The following GRID1 variants were observed in gnomAD, a reference collection of about 807,000 sequenced individuals.
GRID1 encodes the protein glutamate receptor ionotropic, delta-1.
GRID1 carries 28 observed loss-of-function variants against 98.0 expected under a neutral mutation model. The observed-to-expected ratio is 0.29, with a 90% CI of 0.21 to 0.39. GRID1 has a LOEUF of 0.39. Ranked by LOEUF, GRID1 falls within the 10% of genes least tolerant of loss-of-function variation. GRID1 has a pLI of 1.00. For missense variants in GRID1, 1,111 were observed against 1,340.5 expected (o/e 0.83, Z 2.67); for synonymous variants, 553 against 538.5 (o/e 1.03, Z -0.37).
chr10:85,838,862 A>C (rs996977261), intron 8 of GRID1, among the ~76,000 whole-genome samples: 2 of 152,166 alleles, frequency 1.3e-5, no homozygotes, highest in Admixed American at 1.3e-4. Context: ...AGCTGGATAA[A>C]GAACCAAGAT....
intron 12 of GRID1, among the ~76,000 whole-genome samples, chr10:85,651,478 C>A (rs941317386): frequency 1.1e-4 from 17 of 152,234 alleles, no homozygotes; most frequent in Non-Finnish European, 1.6e-4. Flanking sequence ...TGCCAAGGTA[C>A]ATGCAAATGC....
At chr10:85,867,457 C>T (rs1682218260) in intron 6 of GRID1, among the ~76,000 whole-genome samples, 1 of 151,694 alleles carries the variant, frequency 6.6e-6, no homozygotes, top group Non-Finnish European at 1.5e-5. Flanking sequence ...AAGGGATTCC[C>T]CTCTCCCGCT....
At chr10:86,098,407 A>T (rs1844250822) in intron 4 of GRID1, among the ~76,000 whole-genome samples, 1 of 152,168 alleles carries the variant, frequency 6.6e-6, no homozygotes, top group African/African-American at 2.4e-5. Context: ...TCCCTGCAGG[A>T]TCCTCTATAA....
At chr10:86,075,899 A>G (rs531347973) in intron 4 of GRID1, among the ~76,000 whole-genome samples, 17 of 152,370 alleles carry the variant, frequency 1.1e-4, no homozygotes, top group Admixed American at 1.1e-3. Flanking sequence ...CCTCCCCAGC[A>G]CACGAATGGC....
At chr10:85,831,420 C>A (rs543250666) in intron 8 of GRID1, among the ~76,000 whole-genome samples, 1 of 151,750 alleles carries the variant, frequency 6.6e-6, no homozygotes, top group Non-Finnish European at 1.5e-5. Flanking sequence ...TGCATATATA[C>A]CCCTGAAGCT....
intron 6 of GRID1, among the ~76,000 whole-genome samples, chr10:85,858,905 C>T (rs951684263): frequency 6.6e-6 from 1 of 152,190 alleles, no homozygotes; most frequent in Non-Finnish European, 1.5e-5. Context: ...AATTAAGGTA[C>T]TCAACAAATG....
intron 8 of GRID1, among the ~76,000 whole-genome samples, chr10:85,813,261 T>TATA (rs1016982349): frequency 3.3e-5 from 5 of 151,320 alleles, no homozygotes; most frequent in African/African-American, 9.7e-5. Context: ...CTCCAAAAAG[T>TATA]ATAAGCACAA....
At chr10:86,135,591 G>A (rs539537984) in intron 4 of GRID1, among the ~76,000 whole-genome samples, 1 of 152,116 alleles carries the variant, frequency 6.6e-6, no homozygotes, top group Non-Finnish European at 1.5e-5. Context: ...AGCGAGGGAT[G>A]TGAGGGGTCT....
intron 2 of GRID1, among the ~76,000 whole-genome samples, chr10:86,268,142 C>A (rs1014775854): frequency 2.0e-5 from 3 of 152,178 alleles, no homozygotes; most frequent in Non-Finnish European, 4.4e-5. Context: ...AAGACACACA[C>A]GGGGCATCTG....
intron 13 of GRID1, among the ~76,000 whole-genome samples, chr10:85,621,912 T>C (rs983240261): frequency 1.1e-4 from 16 of 152,188 alleles, no homozygotes; most frequent in Non-Finnish European, 1.8e-4. Context: ...CTTTGGAGCA[T>C]TTCACATCCA....
At chr10:85,618,860 T>G (rs954052348) in intron 14 of GRID1, among the ~76,000 whole-genome samples, 1 of 152,188 alleles carries the variant, frequency 6.6e-6, no homozygotes, top group African/African-American at 2.4e-5. Context: ...AACCCAGATA[T>G]CCTAGTTGCC....
chr10:85,837,256 C>G, intron 8 of GRID1, among the ~76,000 whole-genome samples: 1 of 152,296 alleles, frequency 6.6e-6, no homozygotes, highest in Middle Eastern at 3.4e-3. Flanking sequence ...GCACCCAGAC[C>G]TATGCCAGCC....
intron 7 of GRID1, among the ~76,000 whole-genome samples, chr10:85,855,064 G>A (rs1324348929): frequency 1.3e-5 from 2 of 152,232 alleles, no homozygotes; most frequent in Non-Finnish European, 2.9e-5. Context: ...CAGCAAACAT[G>A]TGCATTGGAG....
intron 4 of GRID1, among the ~76,000 whole-genome samples, chr10:86,024,849 CT>C (rs1048350671): frequency 8.5e-5 from 13 of 152,302 alleles, no homozygotes; most frequent in African/African-American, 3.1e-4. Context: ...ATCCCCACCC[CT>C]ATCTGCCAAG....
chr10:85,742,411 G>A (rs545297800), intron 8 of GRID1, among the ~76,000 whole-genome samples: 15 of 152,280 alleles, frequency 9.9e-5, no homozygotes, highest in South Asian at 4.1e-4. Flanking sequence ...GCCATAGTTC[G>A]TTAATTCCTG....
chr10:85,768,578 T>A (rs998906090), intron 8 of GRID1, among the ~76,000 whole-genome samples: 27 of 152,280 alleles, frequency 1.8e-4, no homozygotes, highest in African/African-American at 6.0e-4. Flanking sequence ...TCTGGAAAAA[T>A]TATAAGACTA....
At chr10:86,260,926 A>G (rs977203785) in intron 2 of GRID1, among the ~76,000 whole-genome samples, 5 of 152,234 alleles carry the variant, frequency 3.3e-5, no homozygotes, top group African/African-American at 1.2e-4. Flanking sequence ...AGCTAAACAA[A>G]GACCCAGCAG....
intron 12 of GRID1, chr10:85,709,143 C>T: frequency 3.0e-6 from 1 of 334,630 alleles, no homozygotes; most frequent in East Asian, 8.6e-5. Flanking sequence ...TCAGGTGCTG[C>T]AGAGCATTCT....
chr10:86,066,925 G>A lies in GRID1; in HGVS notation c.726+71894C>T, dbSNP rs114051447. 1.7e-3 allele frequency among the ~76,000 whole-genome samples: 266 copies of A among 152,240 alleles called. 1 individual carries two copies. The highest frequency in any genetic ancestry group is 6.0e-3 in the African/African-American group (250 of 41,542). On this transcript the variant is annotated intron_variant, in intron 4 of 15. Transcript: ENST00000327946. Reference sequence around the variant, plus strand: ...CATCCCATAGGTGCTGGTAGGGCCTGGGGCTTTCCGCGGGCCACTGTCACA... The same window carrying A: ...CATCCCATAGGTGCTGGTAGGGCCTAGGGCTTTCCGCGGGCCACTGTCACA...
Sources: allele counts gnomAD v4.1 joint callset (sites outside exome capture counted in the v4.1 genomes callset), GRCh38; gene constraint gnomAD v4.1.1; transcripts MANE v1.5; gene names NCBI Gene and HGNC (gene_info 2026-07-23, HGNC 2026-07-21).